RIT2: variants seen among roughly 807,000 people sequenced by gnomAD.
RIT2 encodes GTP-binding protein Rit2.
A neutral mutation model predicts 23.7 loss-of-function variants in RIT2; 24 were observed. That is an observed-to-expected ratio of 1.01 (90% CI 0.73 to 1.43). The LOEUF (loss-of-function observed/expected upper bound fraction) is 1.43. Ranked by LOEUF, RIT2 falls within the 40% of genes most tolerant of loss-of-function variation. The pLI, the probability that RIT2 is intolerant of heterozygous loss-of-function variation, is 0.00. For missense variants in RIT2, 236 were observed against 266.9 expected, an observed-to-expected ratio of 0.88 and a Z score of 0.81; for synonymous variants, 107 against 91.1, an observed-to-expected ratio of 1.17 and a Z score of -0.99.
chr18:43,071,071 A>G (rs1389026069), intron 1 of RIT2, among the ~76,000 whole-genome samples: 2 of 152,218 alleles, frequency 1.3e-5, no homozygotes, highest in Non-Finnish European at 2.9e-5. Flanking sequence ...TATTTTTACC[A>G]ATAATTTTCT....
At chr18:42,969,749 T>C (rs2144198403) in intron 3 of RIT2, among the ~76,000 whole-genome samples, 1 of 152,180 alleles carries the variant, frequency 6.6e-6, no homozygotes, top group South Asian at 2.1e-4. Flanking sequence ...TTCAATACAT[T>C]TATAAAGTAA....
At chr18:43,030,655 A>T (rs1911832669) in intron 2 of RIT2, among the ~76,000 whole-genome samples, 1 of 152,100 alleles carries the variant, frequency 6.6e-6, no homozygotes, top group Non-Finnish European at 1.5e-5. Flanking sequence ...TGGCTTAGAA[A>T]AAGATGACAG....
intron 1 of RIT2, among the ~76,000 whole-genome samples, chr18:43,063,874 G>T (rs931242513): frequency 4.6e-5 from 7 of 152,166 alleles, no homozygotes; most frequent in Admixed American, 4.6e-4. Context: ...AGAGCTGGGA[G>T]GTCATAGGGA....
intron 4 of RIT2, among the ~76,000 whole-genome samples, chr18:42,893,340 T>A (rs1908234185): frequency 6.6e-6 from 1 of 152,142 alleles, no homozygotes; most frequent in Non-Finnish European, 1.5e-5. Flanking sequence ...TTCTGGAGGC[T>A]GGAAAGTCCA....
intron 1 of RIT2, among the ~76,000 whole-genome samples, chr18:43,046,841 T>A (rs1323139167): frequency 6.6e-6 from 1 of 152,154 alleles, no homozygotes; most frequent in African/African-American, 2.4e-5. Flanking sequence ...TATGCATCCA[T>A]GGATAATTTA....
chr18:42,940,774 C>T (rs1181551778), intron 3 of RIT2, among the ~76,000 whole-genome samples: 1 of 152,018 alleles, frequency 6.6e-6, no homozygotes, highest in East Asian at 1.9e-4. Context: ...ATCAATGTCA[C>T]ACAGTTAGTG....
intron 2 of RIT2, among the ~76,000 whole-genome samples, chr18:43,000,293 T>G (rs763023127): frequency 6.6e-6 from 1 of 152,116 alleles, no homozygotes; most frequent in Non-Finnish European, 1.5e-5. Context: ...TGCAGAAAAA[T>G]ACATGTTCAT....
chr18:43,081,496 T>A (rs1472942031), intron 1 of RIT2, among the ~76,000 whole-genome samples: 2 of 152,146 alleles, frequency 1.3e-5, no homozygotes, highest in African/African-American at 4.8e-5. Context: ...GGTAACTTCA[T>A]TGTCATGCTG....
Position 42,940,771 on chromosome 18 carries a change from TCA to T in RIT2, c.235-17010_235-17009del, listed in dbSNP as rs372090251. Among the ~76,000 whole-genome samples the T allele has an allele frequency of 3.5e-4, 54 of 152,304 alleles. No homozygotes were observed. The South Asian group carries it at 5.0e-3, about 14-fold the overall frequency. ...GGAACATTCAGTATTTTGATCAATG[TCA>T]CACAGTTAGTGAATAGGGAGATGAG... On this transcript the variant is annotated intron_variant, in intron 3 of 4. Coordinates refer to ENST00000326695, the MANE Select transcript of RIT2 (RefSeq NM_002930.4).
At chr18:42,849,303 A>T (rs538254672) in intron 4 of RIT2, among the ~76,000 whole-genome samples, 1 of 152,202 alleles carries the variant, frequency 6.6e-6, no homozygotes, top group African/African-American at 2.4e-5. Context: ...AAATCTCGTC[A>T]TACATGTTGT....
chr18:42,929,519 C>A (rs560408477), intron 3 of RIT2, among the ~76,000 whole-genome samples: 1 of 152,128 alleles, frequency 6.6e-6, no homozygotes, highest in South Asian at 2.1e-4. Flanking sequence ...AAACTGGAGG[C>A]TTGAAGGGTA....
chr18:42,840,274 A>G (rs1906728094), intron 4 of RIT2, among the ~76,000 whole-genome samples: 2 of 152,196 alleles, frequency 1.3e-5, no homozygotes, highest in Admixed American at 1.3e-4. Flanking sequence ...TCTTTCATTT[A>G]TTCCCACAGG....
At chr18:43,080,536 C>G (rs541092669) in intron 1 of RIT2, among the ~76,000 whole-genome samples, 1 of 152,192 alleles carries the variant, frequency 6.6e-6, no homozygotes, top group Non-Finnish European at 1.5e-5. Flanking sequence ...TACCTCACAC[C>G]TCTGCTTCTC....
At chr18:42,884,389 C>T (rs1907968924) in intron 4 of RIT2, among the ~76,000 whole-genome samples, 1 of 152,156 alleles carries the variant, frequency 6.6e-6, no homozygotes, top group Non-Finnish European at 1.5e-5. Flanking sequence ...AGAAAACTTC[C>T]CTTTGGGAAT....
intron 1 of RIT2, among the ~76,000 whole-genome samples, chr18:43,055,354 T>G (rs1467778017): frequency 6.6e-6 from 1 of 152,028 alleles, no homozygotes; most frequent in Non-Finnish European, 1.5e-5. Flanking sequence ...AAAACAATGA[T>G]GAAATGGCAC....
intron 4 of RIT2, among the ~76,000 whole-genome samples, chr18:42,799,605 T>C (rs1905468150): frequency 6.6e-6 from 1 of 152,216 alleles, no homozygotes; most frequent in South Asian, 2.1e-4. Context: ...GCCTCTTCTT[T>C]TCTTCAATGA....
intron 4 of RIT2, among the ~76,000 whole-genome samples, chr18:42,794,636 A>G (rs1315013898): frequency 6.6e-6 from 1 of 152,224 alleles, no homozygotes; most frequent in Non-Finnish European, 1.5e-5. Context: ...ATTTAAAAAA[A>G]TATTTCACAT....
chr18:42,996,085 T>G (rs544836243), intron 2 of RIT2, among the ~76,000 whole-genome samples: 2 of 152,316 alleles, frequency 1.3e-5, no homozygotes, highest in South Asian at 4.1e-4. Context: ...TCTTAGACCT[T>G]TAATACCTGT....
intron 2 of RIT2, among the ~76,000 whole-genome samples, chr18:43,028,494 A>T (rs1911782938): frequency 6.6e-6 from 1 of 152,086 alleles, no homozygotes; most frequent in Non-Finnish European, 1.5e-5. Context: ...ATGAAGGCAG[A>T]ATTCAATATC....
Sources: allele counts gnomAD v4.1 joint callset (sites outside exome capture counted in the v4.1 genomes callset), GRCh38; gene constraint gnomAD v4.1.1; transcripts MANE v1.5; gene names NCBI Gene and HGNC (gene_info 2026-07-23, HGNC 2026-07-21).